Variants in PDGFRB observed in about 807,000 individuals in gnomAD.
PDGFRB encodes the protein platelet-derived growth factor receptor beta.
In PDGFRB, 42 loss-of-function variants were observed where a neutral mutation model predicts 120.2. The ratio of observed to expected loss-of-function variants is 0.35; its 90% confidence interval spans 0.27 to 0.45. The LOEUF (loss-of-function observed/expected upper bound fraction) is 0.45. Among genes scored for constraint, PDGFRB ranks in the 20% least tolerant of loss-of-function variants. The pLI is 1.00. For synonymous variants in PDGFRB, 586 were observed against 606.8 expected (o/e 0.97, Z 0.50); for missense variants, 1,149 against 1,476.3 (o/e 0.78, Z 3.63).
rs1760613514 is a variant in PDGFRB at position 150,135,814 on chromosome 5, G to A, written c.105C>T (p.Val35=). Residue 35 remains valine (V), a synonymous_variant, in exon 3 of 23, where the codon GTC becomes GTT. Coordinates refer to ENST00000261799, the MANE Select transcript of PDGFRB (RefSeq NM_002609.4). ...GGACAAGCTCTGGCCCCGGGGGTGT[G>A]ACGACCAGGCCCTGAGAGATCTGTG... is the stretch of plus-strand genomic sequence containing the variant. The part of the protein sequence containing the change: ...LEPQISQGLV[V]TPPGPELVLN... The A allele has an allele frequency of 6.3e-7, 1 of 1,583,768 alleles. No individual in the cohort carries two copies. The highest frequency in any genetic ancestry group is 1.8e-5 in the Admixed American group (1 of 56,432).
Position 150,114,474 on chromosome 5 carries a change from A to AC in PDGFRB, c.*1288dup. The AC allele has an allele frequency of 4.3e-6, 1 of 232,964 alleles. No individual in the cohort carries two copies. The allele number at this position is 232,964 out of a possible 1,614,324, so 14.4% of individuals were successfully genotyped here. On this transcript the variant is annotated 3_prime_UTR_variant, in exon 23 of 23. Coordinates refer to ENST00000261799, the MANE Select transcript of PDGFRB (RefSeq NM_002609.4). ...CCTCTTTGTCCCTTTTGCCCAGGAT[A>AC]CCCCCGGAGGTCATCGTGGGTAGTG...
At chr5:150,127,862 T>C (rs533101992) in intron 10 of PDGFRB, among the ~76,000 whole-genome samples, 3 of 107,848 alleles carry the variant, frequency 2.8e-5, no homozygotes, top group South Asian at 2.9e-4. Flanking sequence ...AAAAAAAACT[T>C]TGGATGCTTC....
rs143126941 is a variant in PDGFRB at position 150,146,666 on chromosome 5, C to T, written c.-7+8731G>A. Among the ~76,000 whole-genome samples, 641 of 152,306 alleles carry T rather than the reference C, an allele frequency of 4.2e-3. 18 individuals are homozygous for T. In the South Asian group the frequency reaches 0.051, roughly 12 times the overall value. ...CTCAAACTCCTGGGCTCAAGTGATC[C>T]TCCCGCCTCAGCCTCCTGAGTAGCT... is the stretch of plus-strand genomic sequence containing the variant. On this transcript the variant is annotated intron_variant, in intron 1 of 22. Transcript: ENST00000261799.
rs2342255 is a variant in PDGFRB, at chr5:150,142,873, G to A, written c.-6-5820C>T. ...CTCTCTTAAAATATCTTACTGTATC[G>A]TTCACTCTTCTTGTGAAGACGTGGA... On this transcript the variant is annotated intron_variant, in intron 1 of 22. Transcript: ENST00000261799. Among the ~76,000 whole-genome samples the A allele has an allele frequency of 7.2e-5, 11 of 152,146 alleles. No homozygotes were observed. In the East Asian group the frequency reaches 1.2e-3, roughly 16 times the overall value.
rs562367362 is a variant in PDGFRB, at chr5:150,155,742, G to A, written c.-352C>T. ...GGCTGCTGCTGGGCAGCAGGGCTGA[G>A]GGGCCGGCTCTCTCCTCCTCCTTGT... On this transcript the variant is annotated 5_prime_UTR_variant, in exon 1 of 23. Coordinates refer to ENST00000261799, the MANE Select transcript of PDGFRB (RefSeq NM_002609.4). The A allele has an allele frequency of 6.3e-5, 25 of 398,738 alleles. No homozygotes were observed. The highest frequency in any genetic ancestry group is 4.3e-4 in the African/African-American group (21 of 48,762). The allele number at this position is 398,738 out of a possible 1,614,324, so 24.7% of individuals were successfully genotyped here.
intron 1 of PDGFRB, among the ~76,000 whole-genome samples, chr5:150,141,146 T>C (rs1248933395): frequency 1.3e-5 from 2 of 152,216 alleles, no homozygotes; most frequent in Admixed American, 1.3e-4. Context: ...CAAGCCCTCA[T>C]GCAGGTACTA....
intron 9 of PDGFRB, 53 bp from the exon 10 acceptor site, chr5:150,130,021 G>A (rs1760417234): frequency 2.2e-6 from 3 of 1,364,950 alleles, no homozygotes; most frequent in Non-Finnish European, 3.1e-6. Flanking sequence ...TTGCAGACAG[G>A]GAAACTGAGG....
At chr5:150,142,597 C>T (rs1760813311) in intron 1 of PDGFRB, among the ~76,000 whole-genome samples, 1 of 150,038 alleles carries the variant, frequency 6.7e-6, no homozygotes, top group South Asian at 2.1e-4. Context: ...TGGCTCTAGT[C>T]CCGGCTGTGA....
intron 1 of PDGFRB, among the ~76,000 whole-genome samples, chr5:150,142,600 G>A (rs182261053): frequency 3.3e-5 from 5 of 150,106 alleles, no homozygotes; most frequent in African/African-American, 7.6e-5. Context: ...CTCTAGTCCC[G>A]GCTGTGACAC....
At chr5:150,125,613 G>A (rs983649104) in intron 11 of PDGFRB, 36 bp from the exon 12 acceptor site, 1 of 1,610,808 alleles carries the variant, frequency 6.2e-7, no homozygotes. Context: ...TTATCAGAGG[G>A]AGTCTCAGGC....
intron 14 of PDGFRB, among the ~76,000 whole-genome samples, chr5:150,123,820 G>T (rs1200660416): frequency 6.6e-6 from 1 of 152,076 alleles, no homozygotes; most frequent in East Asian, 1.9e-4. Flanking sequence ...AGCCTAACTG[G>T]CAATCAGAGC....
intron 22 of PDGFRB, among the ~76,000 whole-genome samples, chr5:150,116,828 T>C (rs1759949081): frequency 1.3e-5 from 2 of 152,248 alleles, no homozygotes; most frequent in African/African-American, 4.8e-5. Context: ...CGGAGCCTTC[T>C]AAGGCCGGTG....
intron 1 of PDGFRB, among the ~76,000 whole-genome samples, chr5:150,151,586 C>T (rs1220777813): frequency 2.0e-5 from 3 of 152,204 alleles, no homozygotes; most frequent in Non-Finnish European, 4.4e-5. Flanking sequence ...TAGCTGGGTG[C>T]GGTGGCTCAC....
chr5:150,137,258 T>C (rs1440143997), intron 1 of PDGFRB: 2 of 545,824 alleles, frequency 3.7e-6, no homozygotes, highest in Non-Finnish European at 6.5e-6. Context: ...GGACTTAGCC[T>C]TGGGGTCCTG....
intron 15 of PDGFRB, chr5:150,122,305 C>T (rs1356061137): frequency 1.8e-5 from 8 of 440,582 alleles, no homozygotes; most frequent in East Asian, 7.9e-5. Context: ...GGTCACAAGA[C>T]GGGTGTGTTC....
Position 150,114,015 on chromosome 5 carries a change from C to A in PDGFRB, c.*1748G>T. 1 of 233,588 alleles carries A rather than the reference C, an allele frequency of 4.3e-6. No individual in the cohort carries two copies. 14.5% of individuals were successfully genotyped at this position (233,588 alleles called of 1,614,324 possible). A position where few individuals can be genotyped will look rare whatever the true frequency, so the allele number is the denominator to read the frequency against. On this transcript the variant is annotated 3_prime_UTR_variant, in exon 23 of 23. Transcript: ENST00000261799. Reference sequence around the variant, plus strand: ...ATATCTTTGGTACCGTATTGAGAACCCACTCTCCCTCCTTGGACCAACTCT... The same window carrying A: ...ATATCTTTGGTACCGTATTGAGAACACACTCTCCCTCCTTGGACCAACTCT...
In PDGFRB at chr5:150,117,531, C is replaced by T. The variant is rs56764942; in HGVS notation, c.3137+87G>A. The T allele has an allele frequency of 0.013, 7,222 of 573,314 alleles. 334 individuals are homozygous for T. In the African/African-American group the frequency reaches 0.14, roughly 11 times the overall value. The allele number at this position is 573,314 out of a possible 1,614,324, so 35.5% of individuals were successfully genotyped here. On this transcript the variant is annotated intron_variant, in intron 22 of 22. Transcript: ENST00000261799. Reference sequence around the variant, plus strand: ...TACCTCTGAGGCAAACCTGGCAGCGCGCGCGCGCGCGCGCACACACACACA... The same window carrying T: ...TACCTCTGAGGCAAACCTGGCAGCGTGCGCGCGCGCGCGCACACACACACA...
chr5:150,145,113 C>G (rs1209662511), intron 1 of PDGFRB, among the ~76,000 whole-genome samples: 1 of 152,248 alleles, frequency 6.6e-6, no homozygotes, highest in Non-Finnish European at 1.5e-5. Context: ...CCAACCCTTC[C>G]TCTTCCTCCT....
intron 8 of PDGFRB, among the ~76,000 whole-genome samples, 159 bp from the exon 9 acceptor site, chr5:150,130,821 G>T (rs1201808729): frequency 1.3e-5 from 2 of 152,134 alleles, no homozygotes; most frequent in Non-Finnish European, 2.9e-5. Context: ...AAACCGATGG[G>T]TTCCCTTCTG....
Sources: gnomAD v4.1 joint callset for allele counts (sites outside exome capture counted in the v4.1 genomes callset) on GRCh38, gnomAD v4.1.1 for gene constraint, MANE v1.5 for transcripts, NCBI Gene and HGNC (gene_info 2026-07-23, HGNC 2026-07-21) for gene names.